The following PYROXD1 variants were observed in gnomAD, a reference collection of about 807,000 sequenced individuals.
PYROXD1 encodes tRNA ligase complex-associated NAD(P)H dehydrogenase PYROXD1.
In PYROXD1, 42 loss-of-function variants were observed where a neutral mutation model predicts 62.0. The observed-to-expected ratio is 0.68, with a 90% confidence interval of 0.53 to 0.88. The LOEUF (loss-of-function observed/expected upper bound fraction) is 0.88. Among genes scored for constraint, PYROXD1 ranks in the 40% least tolerant of loss-of-function variants. The pLI is 0.00. For synonymous variants in PYROXD1, 170 were observed against 206.4 expected, an observed-to-expected ratio of 0.82 and a Z score of 1.51; for missense variants, 493 against 604.8, an observed-to-expected ratio of 0.82 and a Z score of 1.94.
At chr12:21,462,211 A>G in intron 9 of PYROXD1, 91 bp downstream of exon 9, 1 of 725,436 alleles carries the variant, frequency 1.4e-6, no homozygotes, top group Non-Finnish European at 2.4e-6. Context: ...TTATTATTTT[A>G]GTGTACAACT....
At chr12:21,465,061 G>T (rs533147568) in intron 10 of PYROXD1, among the ~76,000 whole-genome samples, 1 of 152,198 alleles carries the variant, frequency 6.6e-6, no homozygotes, top group Admixed American at 6.5e-5. Flanking sequence ...TCTTAATCCA[G>T]TCTATCATTG....
chr12:21,462,691 G>T (rs1292380372), intron 9 of PYROXD1, 49 bp from the exon 10 acceptor site: 1 of 1,595,764 alleles, frequency 6.3e-7, no homozygotes, highest in Non-Finnish European at 8.6e-7. Flanking sequence ...AATGGAAAAA[G>T]TCGTTTCATT....
chr12:21,441,797 T>C (rs1324533970), intron 2 of PYROXD1, among the ~76,000 whole-genome samples: 1 of 152,256 alleles, frequency 6.6e-6, no homozygotes. Context: ...TGGTTTATCA[T>C]GTTTCTTACT....
chr12:21,449,748 AT>A lies in PYROXD1; in HGVS notation c.414+59del, dbSNP rs1288719763. 8.8e-6 allele frequency: 13 copies of A among 1,482,436 alleles called. No individual in the cohort carries two copies. The Admixed American group carries it at 2.2e-4, about 25-fold the overall frequency. 91.8% of individuals were successfully genotyped at this position (1,482,436 alleles called of 1,614,324 possible). Reference sequence around the variant, plus strand: ...AAATAAAAGAATTTTCTACATTTGAATTAAAGTGTTCCACTTACAATTCCTA... The same window carrying A: ...AAATAAAAGAATTTTCTACATTTGAATAAAGTGTTCCACTTACAATTCCTA... On this transcript the variant is annotated intron_variant, in intron 4 of 11. Transcript: ENST00000240651.
Position 21,469,990 on chromosome 12 carries a change from T to G in PYROXD1, c.*1236T>G, listed in dbSNP as rs1942893973. 1.5e-6 allele frequency: 1 copy of G among 652,596 alleles called. No individual in the cohort carries two copies. The highest frequency in any genetic ancestry group is 2.3e-6 in the Non-Finnish European group (1 of 438,578). 40.4% of individuals were successfully genotyped at this position (652,596 alleles called of 1,614,324 possible). A position where few individuals can be genotyped will look rare whatever the true frequency, so the allele number is the denominator to read the frequency against. Reference sequence around the variant, plus strand: ...TTTACATAAAAATTTTTCCCTTGTTTTATACTGGAAAATTATATAATTCAT... The same window carrying G: ...TTTACATAAAAATTTTTCCCTTGTTGTATACTGGAAAATTATATAATTCAT... On this transcript the variant is annotated 3_prime_UTR_variant, in exon 12 of 12. Transcript: ENST00000240651.
rs756249393 is a variant in PYROXD1, at chr12:21,449,593, G to A, written c.316G>A (p.Val106Ile). The A allele has an allele frequency of 3.6e-5, 58 of 1,612,812 alleles. No homozygotes were observed. The highest frequency in any genetic ancestry group is 1.6e-4 in the Middle Eastern group (1 of 6,078). ...CIVTEDGNQH[V>I]YKKLCLCAGA... is the part of the protein sequence containing the mutation. ...TGTAACAGAAGATGGCAATCAGCACGTATATAAGAAACTCTGTCTGTGTGC... is the reference window on the plus strand; with the variant it reads ...TGTAACAGAAGATGGCAATCAGCACATATATAAGAAACTCTGTCTGTGTGC... Residue 106 changes from valine (V) to isoleucine (I), a missense_variant, in exon 4 of 12, where the codon GTA becomes ATA. Transcript: ENST00000240651.
chr12:21,437,856 C>G, intron 1 of PYROXD1, 42 bp downstream of exon 1: 1 of 1,545,412 alleles, frequency 6.5e-7, no homozygotes, highest in African/African-American at 1.4e-5. Context: ...TCCCCGACCC[C>G]AAAGGGGATA....
intron 2 of PYROXD1, among the ~76,000 whole-genome samples, chr12:21,442,540 A>G (rs1942315062): frequency 6.6e-6 from 1 of 152,148 alleles, no homozygotes; most frequent in Admixed American, 6.5e-5. Flanking sequence ...GGTGTCTGAG[A>G]TGTAGGTGGG....
At chr12:21,438,139 A>C (rs2058465) in intron 1 of PYROXD1, 270,470 of 274,260 alleles carry the variant, frequency 0.99, 133,414 homozygotes, top group South Asian at 1. Context: ...CTTTCTTTTT[A>C]TTTTTTTTTC....
intron 2 of PYROXD1, among the ~76,000 whole-genome samples, chr12:21,443,051 T>C (rs1001066838): frequency 3.3e-5 from 5 of 152,184 alleles, no homozygotes; most frequent in Non-Finnish European, 7.3e-5. Context: ...GGCTGGTATC[T>C]CCTACTTAGC....
intron 5 of PYROXD1, among the ~76,000 whole-genome samples, chr12:21,453,790 T>G (rs2137265264): frequency 6.6e-6 from 1 of 152,182 alleles, no homozygotes; most frequent in African/African-American, 2.4e-5. Context: ...ATCAGTATGC[T>G]GAAGTGCACT....
intron 7 of PYROXD1, among the ~76,000 whole-genome samples, chr12:21,459,785 G>A (rs191549530): frequency 6.7e-4 from 102 of 152,324 alleles, no homozygotes; most frequent in Admixed American, 7.8e-4. Context: ...GAAGTATTCT[G>A]TGTTGTGAGA....
chr12:21,442,598 A>G (rs1942316374), intron 2 of PYROXD1, among the ~76,000 whole-genome samples: 1 of 151,836 alleles, frequency 6.6e-6, no homozygotes, highest in Non-Finnish European at 1.5e-5. Flanking sequence ...GCATTCTCAG[A>G]GTGACCATGG....
chr12:21,455,722 G>A (rs1024898697), intron 6 of PYROXD1, among the ~76,000 whole-genome samples: 1 of 151,736 alleles, frequency 6.6e-6, no homozygotes, highest in African/African-American at 2.4e-5. Context: ...AAATTTGAAG[G>A]CTAATTTTCT....
chr12:21,451,649 A>G (rs1048965164), intron 4 of PYROXD1, among the ~76,000 whole-genome samples: 2 of 150,982 alleles, frequency 1.3e-5, no homozygotes, highest in African/African-American at 2.4e-5. Context: ...CAGTGCTTCC[A>G]GAGTCTGTGC....
In PYROXD1 at chr12:21,450,021, C is replaced by T. The variant is rs61926273; in HGVS notation, c.414+330C>T. ...TACAGGTGCCTGCCACCACGCCTGG[C>T]TGATTTTTTTTTTTTTTTTTTGTAT... On this transcript the variant is annotated intron_variant, in intron 4 of 11. Transcript: ENST00000240651. 0.56 allele frequency among the ~76,000 whole-genome samples: 73,765 copies of T among 130,896 alleles called. 18,330 individuals carry two copies. The highest frequency in any genetic ancestry group is 0.63 in the Middle Eastern group (166 of 262). 85.9% of individuals were successfully genotyped at this position (130,896 alleles called of 152,430 possible).
In PYROXD1 at chr12:21,438,128, C is replaced by G. The variant is rs536190214; in HGVS notation, c.84+314C>G. The G allele has an allele frequency of 3.4e-4, 114 of 338,370 alleles. 2 individuals carry two copies. The South Asian group carries it at 5.8e-3, about 17-fold the overall frequency. 21.0% of individuals were successfully genotyped at this position (338,370 alleles called of 1,614,324 possible). A position where few individuals can be genotyped will look rare whatever the true frequency, so the allele number is the denominator to read the frequency against. ...TGTATTTAGACAAAAAATTCAGCCC[C>G]CTTTCTTTTTATTTTTTTTTCTTTT... On this transcript the variant is annotated intron_variant, in intron 1 of 11. Transcript: ENST00000240651.
intron 7 of PYROXD1, 125 bp downstream of exon 7, chr12:21,456,220 T>C: frequency 1.6e-6 from 1 of 630,616 alleles, no homozygotes; most frequent in Non-Finnish European, 2.7e-6. Context: ...AAATCCATAG[T>C]GTTAGGAAAA....
chr12:21,453,466 T>C (rs938777234), intron 5 of PYROXD1, among the ~76,000 whole-genome samples: 3 of 151,740 alleles, frequency 2.0e-5, no homozygotes, highest in African/African-American at 7.3e-5. Flanking sequence ...CTAATACTAA[T>C]GTTCTTCATT....
Sources: allele counts gnomAD v4.1 joint callset (sites outside exome capture counted in the v4.1 genomes callset), GRCh38; gene constraint gnomAD v4.1.1; transcripts MANE v1.5; gene names NCBI Gene and HGNC (gene_info 2026-07-23, HGNC 2026-07-21).